Variants in CNIH3 observed in about 807,000 individuals in gnomAD.
The protein encoded by CNIH3 is cornichon family AMPA receptor auxiliary protein 3.
In CNIH3, 14 loss-of-function variants were observed where a neutral mutation model predicts 24.1. The ratio of observed to expected loss-of-function variants is 0.58; its 90% CI spans 0.38 to 0.91. CNIH3 has a LOEUF of 0.91. Ranked by LOEUF, CNIH3 falls within the 40% of genes least tolerant of loss-of-function variation. CNIH3 has a pLI of 0.00. For missense variants in CNIH3, 178 were observed against 196.8 expected (o/e 0.90, Z 0.57); for synonymous variants, 68 against 73.8 (o/e 0.92, Z 0.40).
At chr1:224,695,357 A>C (rs1687112172) in intron 3 of CNIH3, among the ~76,000 whole-genome samples, 1 of 145,740 alleles carries the variant, frequency 6.9e-6, no homozygotes, top group African/African-American at 2.6e-5. Context: ...TCTCTTTCTA[A>C]ACACACACAC....
chr1:224,536,048 TG>T (rs1679269170), intron 2 of CNIH3, among the ~76,000 whole-genome samples: 1 of 152,134 alleles, frequency 6.6e-6, no homozygotes, highest in Admixed American at 6.5e-5. Context: ...TCGGCCTCCC[TG>T]GGGTGCAAAG....
intron 2 of CNIH3, 109 bp downstream of exon 2, chr1:224,681,135 C>T (rs1486724695): frequency 4.3e-6 from 4 of 920,020 alleles, no homozygotes; most frequent in African/African-American, 1.6e-5. Context: ...AACATGCTCG[C>T]CCTCACTGTG....
At chr1:224,462,979 C>T (rs1298673098) in intron 1 of CNIH3, among the ~76,000 whole-genome samples, 1 of 143,136 alleles carries the variant, frequency 7.0e-6, no homozygotes, top group Non-Finnish European at 1.5e-5. Context: ...TGGCTCACTG[C>T]AACCTGCACC....
intron 1 of CNIH3, among the ~76,000 whole-genome samples, chr1:224,452,548 A>G (rs565854924): frequency 2.6e-3 from 385 of 148,206 alleles, no homozygotes; most frequent in African/African-American, 8.5e-3. Context: ...TTGGGAGGCC[A>G]AGGTGGGCGG....
At chr1:224,480,925 C>T (rs1676782320) in intron 1 of CNIH3, among the ~76,000 whole-genome samples, 1 of 152,210 alleles carries the variant, frequency 6.6e-6, no homozygotes, top group African/African-American at 2.4e-5. Context: ...ATCTTTTCAG[C>T]AATGCCTCAC....
At position 224,595,047 on chromosome 1, in the gene CNIH3, T is replaced by C. The variant is rs1352301217; in HGVS notation, n.402+28783T>C. 2.0e-5 allele frequency among the ~76,000 whole-genome samples: 3 copies of C among 152,316 alleles called. No individual in the cohort carries two copies. In the East Asian group the frequency reaches 5.8e-4, roughly 29 times the overall value. On this transcript the variant is annotated intron_variant and non_coding_transcript_variant, in intron 3 of 7. Coordinates refer to the CNIH3 transcript ENST00000478120. ...GTGCTTGCCTCATGTCTCTGTGTCA[T>C]ATTTTGGTAATTCTCACAATATTTC...
At chr1:224,583,104 C>T (rs1681346799) in intron 4 of CNIH3, 1 of 152,224 alleles carries the variant, frequency 6.6e-6, no homozygotes, top group African/African-American at 2.4e-5. Flanking sequence ...TCTGGGTCCA[C>T]TTGAGTCTGT....
chr1:224,730,745 A>G (rs1400415049), intron 4 of CNIH3, 171 bp downstream of exon 4: 4 of 548,998 alleles, frequency 7.3e-6, no homozygotes, highest in Admixed American at 6.1e-5. Flanking sequence ...AACAAGTCCA[A>G]TAAGGAAAGG....
rs866792239 is a variant in CNIH3 at position 224,730,486 on chromosome 1, C to A, written c.223C>A (p.His75Asn). 5.8e-6 allele frequency: 9 copies of A among 1,559,750 alleles called. No individual in the cohort carries two copies. The highest frequency in any genetic ancestry group is 7.8e-6 in the Non-Finnish European group (9 of 1,150,304). The change falls in exon 4 of 6, where the codon CAT becomes AAT. Residue 75 changes from histidine to asparagine, a missense_variant. Transcript: ENST00000272133. ...RKLVLPEYSIHSLFCIMFLCA... is the reference protein window; with the variant it reads ...RKLVLPEYSINSLFCIMFLCA... ...GCTGGTGCTGCCAGAATACTCCATCCATAGCCTCTTCTGCATTATGTTCCT... is the reference window on the plus strand; with the variant it reads ...GCTGGTGCTGCCAGAATACTCCATCAATAGCCTCTTCTGCATTATGTTCCT...
chr1:224,733,887 A>G lies in CNIH3; in HGVS notation c.312-676A>G, dbSNP rs115182099. 6.6e-3 allele frequency among the ~76,000 whole-genome samples: 1,000 copies of G among 152,240 alleles called. 10 individuals are homozygous for G. The highest frequency in any genetic ancestry group is 0.022 in the African/African-American group (902 of 41,522). ...CAGACTCCTGCCCCAGGTCTCACCA[A>G]GCCTGACGGCTCCCCTCCTCAGGGG... On this transcript the variant is annotated intron_variant, in intron 4 of 5. Coordinates refer to ENST00000272133, the MANE Select transcript of CNIH3 (RefSeq NM_152495.2).
chr1:224,604,552 T>C lies in CNIH3; in HGVS notation n.402+38288T>C, dbSNP rs1682335878. On this transcript the variant is annotated intron_variant and non_coding_transcript_variant, in intron 3 of 7. Transcript: ENST00000478120. The surrounding 1 kb of genome is among the most constrained non-coding windows in gnomAD (Gnocchi z 4.4). Reference sequence around the variant, plus strand: ...GCCAGTGACTTGTGGAAGAGACAAGTCCTCAGAGATGTGGTTATGTGGCAC... The same window carrying C: ...GCCAGTGACTTGTGGAAGAGACAAGCCCTCAGAGATGTGGTTATGTGGCAC... Among the ~76,000 whole-genome samples the C allele has an allele frequency of 6.6e-6, 1 of 152,164 alleles. No homozygotes were observed. The highest frequency in any genetic ancestry group is 6.5e-5 in the Admixed American group (1 of 15,282).
At chr1:224,672,991 G>A (rs1425391000) in intron 1 of CNIH3, among the ~76,000 whole-genome samples, 1 of 152,162 alleles carries the variant, frequency 6.6e-6, no homozygotes, top group Non-Finnish European at 1.5e-5. Context: ...TCTGTCCTCC[G>A]AGTCCCTGGG....
At chr1:224,570,467 C>G (rs1680769927) in intron 4 of CNIH3, among the ~76,000 whole-genome samples, 1 of 152,198 alleles carries the variant, frequency 6.6e-6, no homozygotes, top group African/African-American at 2.4e-5. Flanking sequence ...TGGCCTCCAG[C>G]TGCATCCATG....
chr1:224,692,868 G>C (rs1300245799), intron 3 of CNIH3, among the ~76,000 whole-genome samples: 1 of 152,204 alleles, frequency 6.6e-6, no homozygotes, highest in Admixed American at 6.5e-5. Flanking sequence ...CACCGCTACA[G>C]TAACATGGCT....
chr1:224,633,451 G>T (rs1419199145), intron 1 of CNIH3, among the ~76,000 whole-genome samples: 1 of 152,184 alleles, frequency 6.6e-6, no homozygotes, highest in African/African-American at 2.4e-5. Context: ...GAGCCACCAG[G>T]CCTGGCAGTT....
chr1:224,687,483 T>C (rs1686718372), intron 3 of CNIH3, among the ~76,000 whole-genome samples: 1 of 152,142 alleles, frequency 6.6e-6, no homozygotes, highest in African/African-American at 2.4e-5. Context: ...TGCTCCCAAC[T>C]TGGCCTCTCA....
chr1:224,479,299 A>G (rs979597438), intron 1 of CNIH3, among the ~76,000 whole-genome samples: 1 of 152,044 alleles, frequency 6.6e-6, no homozygotes. Context: ...GATTAGAGGC[A>G]TGCGTCACCA....
At chr1:224,606,328 G>A (rs1682419283) in intron 3 of CNIH3, among the ~76,000 whole-genome samples, 1 of 152,154 alleles carries the variant, frequency 6.6e-6, no homozygotes. Context: ...ACTGAAGGGT[G>A]GCGAATGTGG....
At chr1:224,591,539 G>C (rs927279981), downstream of CNIH3, among the ~76,000 whole-genome samples, 1 of 152,124 alleles carries the variant, frequency 6.6e-6, no homozygotes, top group Admixed American at 6.6e-5. Flanking sequence ...CAGCTATCTT[G>C]GCAACTGCTC....
Sources: allele counts gnomAD v4.1 joint callset (sites outside exome capture counted in the v4.1 genomes callset), GRCh38; gene constraint gnomAD v4.1.1; non-coding constraint Gnocchi (gnomAD v3.1); transcripts MANE v1.5; gene names NCBI Gene and HGNC (gene_info 2026-07-23, HGNC 2026-07-21).